SATB1: variants seen among roughly 807,000 people sequenced by gnomAD.
SATB1 encodes DNA-binding protein SATB1.
In SATB1, 11 loss-of-function variants were observed where a neutral mutation model predicts 86.9. That is an observed-to-expected ratio of 0.13 (90% confidence interval 0.08 to 0.21). The LOEUF is 0.21. Among genes scored for constraint, SATB1 ranks in the 10% least tolerant of loss-of-function variants. The pLI, the probability that SATB1 is intolerant of heterozygous loss-of-function variation, is 1.00. For missense variants in SATB1, 551 were observed against 937.6 expected, an observed-to-expected ratio of 0.59 and a Z score of 5.39; for synonymous variants, 357 against 357.2, an observed-to-expected ratio of 1.00 and a Z score of 0.01.
chr3:18,369,647 A>G (rs1006037205), intron 9 of SATB1, among the ~76,000 whole-genome samples: 7 of 150,758 alleles, frequency 4.6e-5, no homozygotes, highest in African/African-American at 1.7e-4. Flanking sequence ...CCTGTTATCA[A>G]TCTAGCACTG....
At chr3:18,376,966 A>C (rs1218185517) in intron 9 of SATB1, among the ~76,000 whole-genome samples, 1 of 152,214 alleles carries the variant, frequency 6.6e-6, no homozygotes, top group East Asian at 1.9e-4. Flanking sequence ...ATAAAGCTAT[A>C]ATTTTTACAG....
intron 9 of SATB1, 42 bp downstream of exon 9, chr3:18,378,128 C>T: frequency 2.0e-6 from 3 of 1,503,516 alleles, no homozygotes; most frequent in Non-Finnish European, 1.8e-6. Flanking sequence ...ATTCTACAGG[C>T]AACACAGATA....
At chr3:18,365,562 T>C (rs1176594408) in intron 9 of SATB1, among the ~76,000 whole-genome samples, 1 of 152,114 alleles carries the variant, frequency 6.6e-6, no homozygotes, top group Non-Finnish European at 1.5e-5. Flanking sequence ...GGCTATACAG[T>C]CTTTGTCTAA....
upstream of SATB1, among the ~76,000 whole-genome samples, chr3:18,439,517 C>T (rs1194727278): frequency 6.6e-6 from 1 of 152,116 alleles, no homozygotes; most frequent in Non-Finnish European, 1.5e-5. Context: ...GTTGATCACA[C>T]TCTATGAAGA....
At chr3:18,387,938 G>A (rs554770029) in intron 7 of SATB1, among the ~76,000 whole-genome samples, 7 of 152,042 alleles carry the variant, frequency 4.6e-5, no homozygotes, top group Non-Finnish European at 8.8e-5. Flanking sequence ...TGCAACAGTT[G>A]GGTGCAGACA....
intron 9 of SATB1, among the ~76,000 whole-genome samples, chr3:18,363,261 T>C (rs574552099): frequency 6.6e-6 from 1 of 152,188 alleles, no homozygotes; most frequent in African/African-American, 2.4e-5. Context: ...AACTTGCCTA[T>C]GATTTTGCTG....
intron 5 of SATB1, among the ~76,000 whole-genome samples, chr3:18,401,683 G>A (rs62238554): frequency 0.017 from 2,533 of 152,144 alleles, 47 homozygotes; most frequent in African/African-American, 0.032. Context: ...TTCCAGTGTT[G>A]GGAAATACAA....
chr3:18,429,388 G>C (rs13318130), upstream of SATB1, among the ~76,000 whole-genome samples: 1,559 of 152,284 alleles, frequency 0.01, 30 homozygotes, highest in African/African-American at 0.036. The surrounding 1 kb of genome is among the most constrained non-coding windows in gnomAD (Gnocchi z 4.1). Context: ...AACATTGCAC[G>C]CTTCTTCTCA....
At chr3:18,404,284 G>A (rs186120335) in intron 5 of SATB1, among the ~76,000 whole-genome samples, 1 of 152,074 alleles carries the variant, frequency 6.6e-6, no homozygotes, top group Non-Finnish European at 1.5e-5. Context: ...TTTCCCTCTG[G>A]ATCCTCTATT....
upstream of SATB1, among the ~76,000 whole-genome samples, chr3:18,425,818 G>A (rs569600946): frequency 2.1e-5 from 3 of 145,588 alleles, no homozygotes; most frequent in African/African-American, 7.6e-5. Flanking sequence ...TGAGTGGGAG[G>A]GAGGAGGGGC....
Position 18,352,426 on chromosome 3 carries a change from AT to A in SATB1, c.1576-232del. On this transcript the variant is annotated intron_variant, in intron 9 of 10. Coordinates refer to ENST00000338745, the MANE Select transcript of SATB1 (RefSeq NM_002971.6). The surrounding 1 kb of genome is among the most constrained non-coding windows in gnomAD (Gnocchi z 4.1). The stretch of plus-strand genomic sequence containing the variant: ...GATTTGCATCTCAAAGGAGGGACAT[AT>A]TTTTTCAGACTCTGAGGGTAACAGA... 1 of 497,234 alleles carries A rather than the reference AT, an allele frequency of 2.0e-6. No homozygotes were observed. The allele number at this position is 497,234 out of a possible 1,614,324, so 30.8% of individuals were successfully genotyped here.
chr3:18,415,252 T>A lies in SATB1; in HGVS notation c.516-18A>T. On this transcript the variant is annotated intron_variant, in intron 4 of 10. Coordinates refer to ENST00000338745, the MANE Select transcript of SATB1 (RefSeq NM_002971.6). ...TGGGGCAACTATTTGAGACATAGATTAGAAAGGGGATTATTACAAGATTGC... is the reference window on the plus strand; with the variant it reads ...TGGGGCAACTATTTGAGACATAGATAAGAAAGGGGATTATTACAAGATTGC... The A allele has an allele frequency of 6.2e-7, 1 of 1,612,136 alleles. No individual in the cohort carries two copies. Among genetic ancestry groups the A allele is most frequent in the Non-Finnish European group, 8.5e-7 (1 of 1,178,706 alleles).
chr3:18,397,261 A>C lies in SATB1; in HGVS notation c.669T>G (p.Thr223=), dbSNP rs758703001. ...TTGCTGCTGAGACATTTGCATAGTA[A>C]GTACTGTTCACAATGGAAGAAATCA... The part of the protein sequence containing the change: ...QSMISSIVNS[T]YYANVSAAKC... Residue 223 remains threonine, a synonymous_variant, in exon 6 of 11, where the codon ACT becomes ACG. Coordinates refer to ENST00000338745, the MANE Select transcript of SATB1 (RefSeq NM_002971.6). The C allele has an allele frequency of 6.2e-7, 1 of 1,609,766 alleles. No individual in the cohort carries two copies. The highest frequency in any genetic ancestry group is 8.5e-7 in the Non-Finnish European group (1 of 1,176,112).
intron 1 of SATB1, chr3:18,445,460 G>T (rs1262426624): frequency 2.2e-5 from 22 of 985,062 alleles, no homozygotes; most frequent in Non-Finnish European, 2.5e-5. Context: ...TGGGCGCTTG[G>T]GGGTGCGCTT....
rs576366235 is a variant in SATB1, at chr3:18,346,233, G to A, written c.*2937C>T. ...TGCAAGTATTATATGGCCACAGAGTGTAATACAAATTAGTGGCAAAGTGCT... is the reference window on the plus strand; with the variant it reads ...TGCAAGTATTATATGGCCACAGAGTATAATACAAATTAGTGGCAAAGTGCT... On this transcript the variant is annotated 3_prime_UTR_variant, in exon 11 of 11. Coordinates refer to ENST00000338745, the MANE Select transcript of SATB1 (RefSeq NM_002971.6). The A allele has an allele frequency of 6.6e-6, 1 of 152,186 alleles. No individual in the cohort carries two copies. Among genetic ancestry groups the A allele is most frequent in the South Asian group, 2.1e-4 (1 of 4,824 alleles). 9.4% of individuals were successfully genotyped at this position (152,186 alleles called of 1,614,324 possible).
chr3:18,441,123 A>G (rs752215966), upstream of SATB1, among the ~76,000 whole-genome samples: 1 of 152,182 alleles, frequency 6.6e-6, no homozygotes, highest in Non-Finnish European at 1.5e-5. Flanking sequence ...CTTAATTCCA[A>G]TAGAAATATT....
intron 9 of SATB1, among the ~76,000 whole-genome samples, chr3:18,367,579 G>A (rs1296677774): frequency 6.6e-6 from 1 of 152,110 alleles, no homozygotes; most frequent in Admixed American, 6.5e-5. Flanking sequence ...GGACCTGGAA[G>A]GGTCCATAAA....
chr3:18,438,304 C>G lies in SATB1; in HGVS notation c.-108+261G>C, dbSNP rs181234917. On this transcript the variant is annotated intron_variant, in intron 1 of 3. Coordinates refer to the SATB1 transcript ENST00000414509. ...TGCATCTAAAGAATGCCCCCTCACA[C>G]AGATTACTGACTACCTTTTCTTTAA... is the stretch of plus-strand genomic sequence containing the variant. 2.6e-5 allele frequency among the ~76,000 whole-genome samples: 4 copies of G among 152,256 alleles called. No individual in the cohort carries two copies. The East Asian group carries it at 7.7e-4, about 29-fold the overall frequency.
upstream of SATB1, among the ~76,000 whole-genome samples, chr3:18,427,224 T>C (rs979951458): frequency 5.6e-4 from 86 of 152,296 alleles, no homozygotes; most frequent in African/African-American, 2.0e-3. Flanking sequence ...TAGGTTAAAT[T>C]TGAAATTTCC....
Sources: allele counts gnomAD v4.1 joint callset (sites outside exome capture counted in the v4.1 genomes callset), GRCh38; gene constraint gnomAD v4.1.1; non-coding constraint Gnocchi (gnomAD v3.1); transcripts MANE v1.5; gene names NCBI Gene and HGNC (gene_info 2026-07-23, HGNC 2026-07-21).